The following C1QTNF3 variants were observed in gnomAD, a reference collection of about 807,000 sequenced individuals.
The protein encoded by C1QTNF3 is C1q and TNF related 3.
In C1QTNF3, 26 loss-of-function variants were observed where a neutral mutation model predicts 32.6. The observed-to-expected ratio is 0.80, with a 90% CI of 0.58 to 1.11. C1QTNF3 has a LOEUF of 1.11. C1QTNF3 is among the 50% of genes least tolerant of loss of function. The pLI, the probability that C1QTNF3 is intolerant of heterozygous loss-of-function variation, is 0.00. For missense variants in C1QTNF3, 362 were observed against 398.2 expected, an observed-to-expected ratio of 0.91 and a Z score of 0.77; for synonymous variants, 155 against 146.0, an observed-to-expected ratio of 1.06 and a Z score of -0.44.
the C1QTNF3 span, among the ~76,000 whole-genome samples, chr5:34,210,042 A>G: frequency 1.3e-5 from 2 of 152,186 alleles, no homozygotes; most frequent in South Asian, 4.1e-4. Context: ...TACAATATTG[A>G]TGCACAGAGG....
At chr5:34,235,702 A>AT in the C1QTNF3 span, among the ~76,000 whole-genome samples, 6 of 151,208 alleles carry the variant, frequency 4.0e-5, no homozygotes, top group South Asian at 6.2e-4. Flanking sequence ...AGTTTCAATA[A>AT]TTTTTTTTCA....
chr5:34,230,333 C>A, the C1QTNF3 span, among the ~76,000 whole-genome samples: 1 of 151,974 alleles, frequency 6.6e-6, no homozygotes, highest in Non-Finnish European at 1.5e-5. Context: ...TACTGCTAGA[C>A]AATAAATTTA....
At chr5:34,080,727 G>C in the C1QTNF3 span, among the ~76,000 whole-genome samples, 6 of 151,600 alleles carry the variant, frequency 4.0e-5, no homozygotes, top group Admixed American at 6.6e-5. Context: ...TATTTGACCT[G>C]TGAAAAATTC....
chr5:34,162,156 T>A, the C1QTNF3 span, among the ~76,000 whole-genome samples: 1 of 152,154 alleles, frequency 6.6e-6, no homozygotes, highest in Non-Finnish European at 1.5e-5. Flanking sequence ...CACAGACTTG[T>A]TAGTTTATAA....
At chr5:34,071,965 T>C in the C1QTNF3 span, among the ~76,000 whole-genome samples, 1 of 151,704 alleles carries the variant, frequency 6.6e-6, no homozygotes, top group African/African-American at 2.4e-5. Context: ...CTACTTTCCA[T>C]TGCTGGGGAT....
the C1QTNF3 span, among the ~76,000 whole-genome samples, chr5:34,209,173 T>C: frequency 2.6e-5 from 4 of 152,238 alleles, no homozygotes; most frequent in Admixed American, 1.3e-4. Context: ...ATGCTGGTAA[T>C]GTAATCCAGC....
the C1QTNF3 span, among the ~76,000 whole-genome samples, chr5:34,132,415 A>G: frequency 8.0e-6 from 1 of 125,278 alleles, no homozygotes; most frequent in African/African-American, 3.1e-5. Context: ...AAATATATAT[A>G]TATGTATGTG....
chr5:34,160,205 T>C, the C1QTNF3 span, among the ~76,000 whole-genome samples: 1 of 152,156 alleles, frequency 6.6e-6, no homozygotes, highest in African/African-American at 2.4e-5. Context: ...CTACTATAGA[T>C]TTGCAAAGTT....
the C1QTNF3 span, among the ~76,000 whole-genome samples, chr5:34,073,878 C>T: frequency 6.6e-6 from 1 of 152,028 alleles, no homozygotes; most frequent in Non-Finnish European, 1.5e-5. Flanking sequence ...ATGGATTTTC[C>T]TTGAAACAAG....
the C1QTNF3 span, among the ~76,000 whole-genome samples, chr5:34,134,911 A>G: frequency 6.6e-6 from 1 of 152,058 alleles, no homozygotes; most frequent in Non-Finnish European, 1.5e-5. Context: ...AATACCCTTT[A>G]TTTCTTTCTC....
the C1QTNF3 span, among the ~76,000 whole-genome samples, chr5:34,160,091 C>A: frequency 6.6e-6 from 1 of 152,104 alleles, no homozygotes; most frequent in Non-Finnish European, 1.5e-5. Context: ...TAGCCCCTAC[C>A]ATCAGACTTG....
chr5:34,233,898 C>T, the C1QTNF3 span, among the ~76,000 whole-genome samples: 5 of 152,188 alleles, frequency 3.3e-5, no homozygotes, highest in Admixed American at 2.0e-4. Context: ...TATTAACTGA[C>T]TATATGAAAT....
At chr5:34,029,367 T>C (rs1177340020) in intron 3 of C1QTNF3, among the ~76,000 whole-genome samples, 2 of 152,076 alleles carry the variant, frequency 1.3e-5, no homozygotes, top group Non-Finnish European at 2.9e-5. Flanking sequence ...CTCAAACTCC[T>C]AGGCTCAAGA....
At chr5:34,146,546 G>T in the C1QTNF3 span, among the ~76,000 whole-genome samples, 1 of 152,110 alleles carries the variant, frequency 6.6e-6, no homozygotes, top group Non-Finnish European at 1.5e-5. Flanking sequence ...CAACAAGGTG[G>T]ACAATAATAA....
chr5:34,154,971 G>A, the C1QTNF3 span, among the ~76,000 whole-genome samples: 1 of 152,122 alleles, frequency 6.6e-6, no homozygotes, highest in Non-Finnish European at 1.5e-5. Flanking sequence ...CCGTAAATAT[G>A]TGTCTCCTAA....
At chr5:34,175,284 A>G in the C1QTNF3 span, among the ~76,000 whole-genome samples, 2 of 151,592 alleles carry the variant, frequency 1.3e-5, no homozygotes, top group South Asian at 2.1e-4. Flanking sequence ...GCCTCAAGCA[A>G]TCCTCCCACC....
At chr5:34,118,778 T>C in the C1QTNF3 span, among the ~76,000 whole-genome samples, 11,410 of 152,190 alleles carry the variant, frequency 0.075, 1,475 homozygotes, top group African/African-American at 0.26. Context: ...GTTTTCATCC[T>C]ATTGTACTGT....
At chr5:34,080,470 A>G in the C1QTNF3 span, among the ~76,000 whole-genome samples, 6 of 151,764 alleles carry the variant, frequency 4.0e-5, no homozygotes, top group Non-Finnish European at 8.8e-5. Flanking sequence ...CACTGATCCA[A>G]TATGTACCTG....
At chr5:34,183,129 C>T in the C1QTNF3 span, among the ~76,000 whole-genome samples, 2 of 152,050 alleles carry the variant, frequency 1.3e-5, no homozygotes, top group African/African-American at 2.4e-5. Flanking sequence ...CAGGCACCTG[C>T]CACCACATCC....
Sources: gnomAD v4.1 joint callset for allele counts (sites outside exome capture counted in the v4.1 genomes callset) on GRCh38, gnomAD v4.1.1 for gene constraint, MANE v1.5 for transcripts, NCBI Gene and HGNC (gene_info 2026-07-23, HGNC 2026-07-21) for gene names.